Variants in ANKS1B observed in about 807,000 individuals in gnomAD.
ANKS1B encodes ankyrin repeat and sterile alpha motif domain containing 1B.
ANKS1B carries 36 observed loss-of-function variants against 148.3 expected under a neutral mutation model. That is an observed-to-expected ratio of 0.24 (90% CI 0.19 to 0.32). The LOEUF (loss-of-function observed/expected upper bound fraction) is 0.32, where lower values mean the gene tolerates loss of function less well. ANKS1B is among the 10% of genes least tolerant of loss of function. The pLI is 1.00. For missense variants in ANKS1B, 1,157 were observed against 1,542.6 expected, an observed-to-expected ratio of 0.75 and a Z score of 4.19; for synonymous variants, 542 against 560.8, an observed-to-expected ratio of 0.97 and a Z score of 0.47.
chr12:99,821,433 T>C (rs866008087), intron 2 of ANKS1B, among the ~76,000 whole-genome samples: 4 of 151,036 alleles, frequency 2.6e-5, no homozygotes, highest in South Asian at 2.1e-4. Flanking sequence ...ATGATTGCTA[T>C]TCAATTTGCT....
At chr12:99,889,931 T>C (rs1378748217) in intron 1 of ANKS1B, among the ~76,000 whole-genome samples, 1 of 152,170 alleles carries the variant, frequency 6.6e-6, no homozygotes, top group African/African-American at 2.4e-5. Context: ...CCCATTCATC[T>C]AGCAGCTTAA....
chr12:99,079,903 C>G (rs2049079901), intron 16 of ANKS1B: 1 of 152,180 alleles, frequency 6.6e-6, no homozygotes, highest in South Asian at 2.1e-4. Context: ...TTTGATGTCA[C>G]AGCCTGAATT....
chr12:99,278,017 A>G (rs983851686), intron 12 of ANKS1B, among the ~76,000 whole-genome samples: 1 of 152,228 alleles, frequency 6.6e-6, no homozygotes, highest in African/African-American at 2.4e-5. Flanking sequence ...ACATTTTAAG[A>G]GATAAAAGAT....
chr12:99,634,288 A>C (rs2098207568), intron 9 of ANKS1B, among the ~76,000 whole-genome samples: 1 of 152,086 alleles, frequency 6.6e-6, no homozygotes, highest in Non-Finnish European at 1.5e-5. Flanking sequence ...TGGCTTTATA[A>C]GAAGAGGAAG....
chr12:99,288,995 C>T (rs574064261), intron 12 of ANKS1B, among the ~76,000 whole-genome samples: 12 of 151,728 alleles, frequency 7.9e-5, no homozygotes, highest in South Asian at 2.1e-4. Flanking sequence ...CCCATTGATC[C>T]GCTACAAGAA....
intron 11 of ANKS1B, among the ~76,000 whole-genome samples, chr12:99,432,309 C>T (rs796100455): frequency 6.6e-6 from 1 of 152,170 alleles, no homozygotes; most frequent in South Asian, 2.1e-4. Flanking sequence ...CCTATTCAAA[C>T]ATAAAGGTCA....
intron 10 of ANKS1B, among the ~76,000 whole-genome samples, chr12:99,476,939 G>A (rs963076172): frequency 6.6e-6 from 1 of 152,100 alleles, no homozygotes. Context: ...AGCTCCCACA[G>A]GACTGTTGGG....
chr12:99,080,084 C>G (rs1407365717), intron 16 of ANKS1B: 1 of 152,220 alleles, frequency 6.6e-6, no homozygotes, highest in African/African-American at 2.4e-5. Context: ...TTAAATATAC[C>G]GCTTTAAGGC....
rs74424470 is a variant in ANKS1B at position 99,805,314 on chromosome 12, T to C, written c.669+1090A>G. Reference sequence around the variant, plus strand: ...GACTAACCCTGGAGTTGGGGCTAACTTAAGACAAGATATCAAAAGTAGGCT... The same window carrying C: ...GACTAACCCTGGAGTTGGGGCTAACCTAAGACAAGATATCAAAAGTAGGCT... On this transcript the variant is annotated intron_variant, in intron 4 of 26. Coordinates refer to ENST00000683438, the MANE Select transcript of ANKS1B (RefSeq NM_001352186.2). Among the ~76,000 whole-genome samples, 1,192 of 122,784 alleles carry C rather than the reference T, an allele frequency of 9.7e-3. 23 individuals carry two copies. The highest frequency in any genetic ancestry group is 0.035 in the African/African-American group (1,159 of 33,078). 80.6% of individuals were successfully genotyped at this position (122,784 alleles called of 152,430 possible).
At chr12:99,414,704 G>A (rs1177067584) in intron 11 of ANKS1B, among the ~76,000 whole-genome samples, 4 of 152,290 alleles carry the variant, frequency 2.6e-5, no homozygotes, top group Non-Finnish European at 2.9e-5. Context: ...TTAGGGGAAG[G>A]ATAGCATTAG....
chr12:98,952,725 C>T (rs1018011639), intron 17 of ANKS1B, among the ~76,000 whole-genome samples: 9 of 152,188 alleles, frequency 5.9e-5, no homozygotes, highest in African/African-American at 2.2e-4. Flanking sequence ...AGAATTCTGC[C>T]ATCACTTCAA....
intron 8 of ANKS1B, among the ~76,000 whole-genome samples, chr12:99,668,790 T>C (rs545209777): frequency 6.6e-6 from 1 of 152,196 alleles, no homozygotes; most frequent in Non-Finnish European, 1.5e-5. Context: ...ATATGTTTCA[T>C]TGCATGATAT....
chr12:99,013,055 G>A (rs2099940380), intron 17 of ANKS1B, among the ~76,000 whole-genome samples: 1 of 152,152 alleles, frequency 6.6e-6, no homozygotes, highest in Non-Finnish European at 1.5e-5. Flanking sequence ...TATTGGCTCA[G>A]GAAAGCTGAG....
intron 17 of ANKS1B, among the ~76,000 whole-genome samples, chr12:99,010,995 G>C (rs1287666558): frequency 6.7e-6 from 1 of 149,414 alleles, no homozygotes; most frequent in Non-Finnish European, 1.5e-5. Context: ...CACCCACCTC[G>C]GCCTCTCAAA....
At chr12:99,481,784 A>AT (rs1166303217) in intron 10 of ANKS1B, among the ~76,000 whole-genome samples, 1 of 151,670 alleles carries the variant, frequency 6.6e-6, no homozygotes, top group East Asian at 1.9e-4. Flanking sequence ...GATGCTGAAC[A>AT]TTTTTTTCAT....
chr12:99,176,680 G>A (rs1248962946), intron 14 of ANKS1B, among the ~76,000 whole-genome samples: 3 of 152,160 alleles, frequency 2.0e-5, no homozygotes, highest in African/African-American at 7.2e-5. Context: ...TCCCCTTAGC[G>A]ATAAGTGAGC....
intron 17 of ANKS1B, among the ~76,000 whole-genome samples, chr12:98,990,101 T>C (rs2099925700): frequency 6.6e-6 from 1 of 152,142 alleles, no homozygotes; most frequent in Non-Finnish European, 1.5e-5. Context: ...ATAGATTGCT[T>C]TGGATAATGT....
intron 8 of ANKS1B, among the ~76,000 whole-genome samples, chr12:99,716,551 G>T (rs908872994): frequency 6.6e-6 from 1 of 151,878 alleles, no homozygotes; most frequent in South Asian, 2.1e-4. Flanking sequence ...CTGCAATGCC[G>T]CTTGACCCCA....
intron 12 of ANKS1B, among the ~76,000 whole-genome samples, chr12:99,306,038 A>T (rs943126438): frequency 2.0e-5 from 3 of 152,074 alleles, no homozygotes. Context: ...TATGCACAAG[A>T]ATTTGAACTC....
Sources: gnomAD v4.1 joint callset for allele counts (sites outside exome capture counted in the v4.1 genomes callset) on GRCh38, gnomAD v4.1.1 for gene constraint, MANE v1.5 for transcripts, NCBI Gene and HGNC (gene_info 2026-07-23, HGNC 2026-07-21) for gene names.